MAP3K1: variants seen among roughly 807,000 people sequenced by gnomAD.
The protein encoded by MAP3K1 is mitogen-activated protein kinase kinase kinase 1, also known as MAP/ERK kinase kinase 1.
MAP3K1 carries 36 observed loss-of-function variants against 144.2 expected under a neutral mutation model. The ratio of observed to expected loss-of-function variants is 0.25; its 90% CI spans 0.19 to 0.33. The LOEUF is 0.33. MAP3K1 is among the 10% of genes least tolerant of loss of function. The pLI is 1.00. For missense variants in MAP3K1, 1,650 were observed against 1,881.9 expected, an observed-to-expected ratio of 0.88 and a Z score of 2.28; for synonymous variants, 718 against 688.7, an observed-to-expected ratio of 1.04 and a Z score of -0.67.
At chr5:56,864,958 C>CT (rs769688685) in intron 4 of MAP3K1, 24 bp downstream of exon 4, 2 of 1,605,964 alleles carry the variant, frequency 1.2e-6, no homozygotes, top group African/African-American at 2.7e-5. Flanking sequence ...CCATTTTATA[C>CT]TTTATTAGTA....
At chr5:56,864,093 G>A (rs1379476725) in intron 3 of MAP3K1, among the ~76,000 whole-genome samples, 1 of 152,144 alleles carries the variant, frequency 6.6e-6, no homozygotes, top group Non-Finnish European at 1.5e-5. Flanking sequence ...CATTCTGCCT[G>A]CTTATGATAT....
chr5:56,861,628 A>G (rs182233298), intron 3 of MAP3K1, among the ~76,000 whole-genome samples: 6 of 151,366 alleles, frequency 4.0e-5, no homozygotes, highest in East Asian at 1.9e-4. Context: ...ACATCTACGT[A>G]TCTGCATGAG....
At chr5:56,837,819 TTA>T in intron 1 of MAP3K1, among the ~76,000 whole-genome samples, 1 of 152,270 alleles carries the variant, frequency 6.6e-6, no homozygotes, top group East Asian at 1.9e-4. Flanking sequence ...TAAGAGGCCA[TTA>T]TAGCAGTGCT....
At chr5:56,880,666 T>G in intron 11 of MAP3K1, 45 bp from the exon 12 acceptor site, 1 of 1,328,690 alleles carries the variant, frequency 7.5e-7, no homozygotes, top group Non-Finnish European at 1.1e-6. Flanking sequence ...TGTATAGTGT[T>G]TTAGCCAAGA....
intron 1 of MAP3K1, among the ~76,000 whole-genome samples, chr5:56,842,951 C>T (rs61141156): frequency 0.099 from 15,077 of 152,132 alleles, 1,215 homozygotes; most frequent in East Asian, 0.34. Flanking sequence ...ATCGCTGTGC[C>T]ATACTTCTTC....
At chr5:56,882,934 A>G (rs1044408809) in intron 14 of MAP3K1, 68 bp downstream of exon 14, 16 of 1,264,186 alleles carry the variant, frequency 1.3e-5, no homozygotes, top group Non-Finnish European at 1.6e-5. Flanking sequence ...CATACCTGGA[A>G]TTCCAGCACT....
Position 56,885,991 on chromosome 5 carries a change from A to G in MAP3K1, c.4042A>G (p.Asn1348Asp). The G allele has an allele frequency of 6.2e-7, 1 of 1,611,564 alleles. No individual in the cohort carries two copies. The highest frequency in any genetic ancestry group is 2.2e-5 in the East Asian group (1 of 44,842). Reference sequence around the variant, plus strand: ...AGCCTTCAAAGAATCAGTAGTTATTAACTACACTGAACAGTTACTCCGTGG... The same window carrying G: ...AGCCTTCAAAGAATCAGTAGTTATTGACTACACTGAACAGTTACTCCGTGG... ...YGAFKESVVI[N>D]YTEQLLRGLS... The change falls in exon 17 of 20, where the codon AAC becomes GAC. Residue 1348 changes from asparagine to aspartate, a missense_variant. Asn to Asp is a conservative substitution (Grantham distance 23). This residue lies in a region of MAP3K1 where 165 missense variants were observed against 322.9 expected (regional missense o/e 0.51). Transcript: ENST00000399503.
chr5:56,821,102 TATAAA>T (rs989833147), intron 1 of MAP3K1, among the ~76,000 whole-genome samples: 6 of 152,116 alleles, frequency 3.9e-5, no homozygotes. Flanking sequence ...CATGGAGAAA[TATAAA>T]ATATTCTTTA....
intron 1 of MAP3K1, among the ~76,000 whole-genome samples, chr5:56,829,343 C>G (rs901756798): frequency 7.4e-6 from 1 of 134,898 alleles, no homozygotes; most frequent in Admixed American, 7.7e-5. Context: ...CCACTGTGCC[C>G]GGCAAATTTT....
At chr5:56,864,600 C>T (rs1356806345) in intron 3 of MAP3K1, 134 bp from the exon 4 acceptor site, 2 of 836,246 alleles carry the variant, frequency 2.4e-6, no homozygotes, top group Non-Finnish European at 4.0e-6. Context: ...GTCTGGATCT[C>T]CTGACCTCAT....
intron 1 of MAP3K1, among the ~76,000 whole-genome samples, chr5:56,827,006 C>A (rs1360534391): frequency 6.6e-6 from 1 of 152,148 alleles, no homozygotes; most frequent in Non-Finnish European, 1.5e-5. Flanking sequence ...GGTGGAGCAC[C>A]AAGCCAAGTC....
At chr5:56,845,663 T>A (rs1746969864) in intron 1 of MAP3K1, among the ~76,000 whole-genome samples, 1 of 152,114 alleles carries the variant, frequency 6.6e-6, no homozygotes, top group Non-Finnish European at 1.5e-5. Flanking sequence ...AAAAACATCC[T>A]TCTTACTTAC....
At chr5:56,884,329 C>T (rs1032139080) in intron 15 of MAP3K1, among the ~76,000 whole-genome samples, 1 of 152,030 alleles carries the variant, frequency 6.6e-6, no homozygotes, top group African/African-American at 2.4e-5. Flanking sequence ...TTTATTATAA[C>T]GAGCATACTT....
Position 56,815,922 on chromosome 5 carries a change from G to C in MAP3K1, c.349G>C (p.Ala117Pro). The change falls in exon 1 of 20, where the codon GCG becomes CCG. Residue 117 changes from alanine to proline, a missense_variant. Ala to Pro is a conservative substitution (Grantham distance 27, BLOSUM62 -1). Coordinates refer to ENST00000399503, the MANE Select transcript of MAP3K1 (RefSeq NM_005921.2). ...GGCGGTGCCGCCGCCCCACGGAGCC[G>C]CGAGCCGCGGCGGCGCCCACCTTAC... is the stretch of plus-strand genomic sequence containing the variant. The part of the protein sequence containing the change: ...PVAVPPPHGA[A>P]SRGGAHLTES... 46 of 1,277,536 alleles carry C rather than the reference G, an allele frequency of 3.6e-5. No individual in the cohort carries two copies. The highest frequency in any genetic ancestry group is 4.5e-5 in the Non-Finnish European group (46 of 1,014,768). 79.1% of individuals were successfully genotyped at this position (1,277,536 alleles called of 1,614,324 possible). A position where few individuals can be genotyped will look rare whatever the true frequency, so the allele number is the denominator to read the frequency against.
intron 19 of MAP3K1, among the ~76,000 whole-genome samples, chr5:56,891,157 C>CA (rs1748540039): frequency 6.1e-5 from 9 of 148,154 alleles, no homozygotes; most frequent in South Asian, 4.3e-4. Flanking sequence ...CACCCCCCCC[C>CA]CCCACACACA....
chr5:56,856,765 G>T lies in MAP3K1; in HGVS notation c.633+15G>T, dbSNP rs1324052214. ...GAGGGCCTGTGGTAAGTGGCTATGG[G>T]TTACCAGTTATAAGGAAGAAAGCAT... On this transcript the variant is annotated intron_variant, in intron 2 of 19. Coordinates refer to ENST00000399503, the MANE Select transcript of MAP3K1 (RefSeq NM_005921.2). 1.9e-6 allele frequency: 3 copies of T among 1,613,528 alleles called. No homozygotes were observed. The highest frequency in any genetic ancestry group is 2.5e-6 in the Non-Finnish European group (3 of 1,179,502).
intron 1 of MAP3K1, among the ~76,000 whole-genome samples, chr5:56,832,787 T>C (rs532099052): frequency 1.3e-5 from 2 of 152,374 alleles, no homozygotes; most frequent in South Asian, 2.1e-4. Flanking sequence ...CAAAATCATA[T>C]GTAGTGATGA....
At position 56,884,827 on chromosome 5, in the gene MAP3K1, G is replaced by A. The variant is rs778670130; in HGVS notation, c.3982+1G>A. On this transcript the variant is annotated splice_donor_variant, in intron 16 of 19. Transcript: ENST00000399503. LOFTEE classifies it high-confidence loss of function. ...AATCTCTTCATTGAATGGATGGCAG[G>A]TATGTTAATGTTTTAAATTACAAAA... is the stretch of plus-strand genomic sequence containing the variant. 6.2e-7 allele frequency: 1 copy of A among 1,612,996 alleles called. No individual in the cohort carries two copies. Among genetic ancestry groups the A allele is most frequent in the Non-Finnish European group, 8.5e-7 (1 of 1,179,238 alleles).
At chr5:56,852,771 T>C (rs1366906566) in intron 1 of MAP3K1, among the ~76,000 whole-genome samples, 2 of 152,154 alleles carry the variant, frequency 1.3e-5, no homozygotes, top group Admixed American at 1.3e-4. Context: ...CCAACATGAG[T>C]TGGAGATGGC....
Sources: gnomAD v4.1 joint callset for allele counts (sites outside exome capture counted in the v4.1 genomes callset) on GRCh38, gnomAD v4.1.1 for gene constraint, gnomAD v4.1.1 regional missense constraint, MANE v1.5 for transcripts, NCBI Gene and HGNC (gene_info 2026-07-23, HGNC 2026-07-21) for gene names.